Variants in ANTXRL observed in about 807,000 individuals in gnomAD.
ANTXRL encodes the protein ANTXR like, also known as anthrax toxin receptor-like.
ANTXRL carries 63 observed loss-of-function variants against 75.4 expected under a neutral mutation model. The ratio of observed to expected loss-of-function variants is 0.84; its 90% CI spans 0.68 to 1.03. ANTXRL has a LOEUF of 1.03. Among genes scored for constraint, ANTXRL ranks in the 50% least tolerant of loss-of-function variants. The pLI is 0.00. For synonymous variants in ANTXRL, 335 were observed against 291.3 expected, an observed-to-expected ratio of 1.15 and a Z score of -1.53; for missense variants, 797 against 789.4, an observed-to-expected ratio of 1.01 and a Z score of -0.12.
intron 13 of ANTXRL, among the ~76,000 whole-genome samples, chr10:46,309,407 C>T (rs1469297995): frequency 6.6e-6 from 1 of 152,222 alleles, no homozygotes; most frequent in Admixed American, 6.5e-5. Context: ...CCTCCTGCCC[C>T]GGGCTGGCCA....
In ANTXRL at chr10:46,287,386, C is replaced by T. The variant is rs181165921; in HGVS notation, c.124C>T (p.Arg42Cys). 1.2e-5 allele frequency: 18 copies of T among 1,536,026 alleles called. No homozygotes were observed. The East Asian group carries it at 1.2e-4, about 10-fold the overall frequency. The change falls in exon 1 of 17, where the codon CGC becomes TGC. Residue 42 changes from arginine to cysteine, a missense_variant. Transcript: ENST00000620264. ...YHGPDWRIFH[R>C]LALGSRRAHH... ...TGGACCTGACTGGAGAATATTTCAC[C>T]GCCTGGCCCTGGGCTCCAGGAGAGC...
chr10:46,296,350 G>T, intron 5 of ANTXRL, 98 bp downstream of exon 5: 1 of 1,360,054 alleles, frequency 7.4e-7, no homozygotes. Context: ...GGCCACACCT[G>T]CCCTGCCTCT....
At chr10:46,315,165 A>T (rs2999413) in intron 16 of ANTXRL, among the ~76,000 whole-genome samples, 1 of 151,668 alleles carries the variant, frequency 6.6e-6, no homozygotes, top group Non-Finnish European at 1.5e-5. Flanking sequence ...CCACAGGGTC[A>T]GACTGTAAGC....
chr10:46,287,599 G>A (rs1360587598), intron 1 of ANTXRL, 89 bp downstream of exon 1: 5 of 1,443,098 alleles, frequency 3.5e-6, no homozygotes, highest in African/African-American at 2.9e-5. Flanking sequence ...TCAAGGAGAT[G>A]CAAGCTTCCG....
At chr10:46,286,734 T>C (rs1386008922), upstream of ANTXRL, among the ~76,000 whole-genome samples, 2 of 152,088 alleles carry the variant, frequency 1.3e-5, no homozygotes, top group African/African-American at 4.8e-5. Flanking sequence ...TAACCTCCCA[T>C]TGCCAACACT....
upstream of ANTXRL, chr10:46,286,888 C>T (rs7090139): frequency 0.029 from 8,127 of 282,214 alleles, 602 homozygotes; most frequent in African/African-American, 0.16. Flanking sequence ...TGGAGGCTTC[C>T]TCTTGTAGCC....
chr10:46,317,632 G>A (rs1838797088), intron 16 of ANTXRL, among the ~76,000 whole-genome samples: 1 of 152,102 alleles, frequency 6.6e-6, no homozygotes, highest in Non-Finnish European at 1.5e-5. Flanking sequence ...TTTTGGGAAA[G>A]TTTCAGATCA....
chr10:46,311,612 G>C lies in ANTXRL; in HGVS notation c.1276G>C (p.Val426Leu), dbSNP rs782078432. ...AGCTCCTGTAAACACCTGCCCCACT[G>C]TGATTATTTGTTGCTGTGGATGCCA... is the stretch of plus-strand genomic sequence containing the variant. ...PPAPVNTCPT[V>L]IICCCGCQGV... The change falls in exon 15 of 17, where the codon GTG becomes CTG. Residue 426 changes from valine to leucine, a missense_variant. Around this residue, in one of 3 missense-constraint regions of ANTXRL, gnomAD observed 479 missense variants for 422.0 expected, o/e 1.14. Coordinates refer to ENST00000620264, the MANE Select transcript of ANTXRL (RefSeq NM_001278688.3). 2 of 1,385,498 alleles carry C rather than the reference G, an allele frequency of 1.4e-6. No homozygotes were observed. Among genetic ancestry groups the C allele is most frequent in the Non-Finnish European group, 2.0e-6 (2 of 1,009,402 alleles). 85.8% of individuals were successfully genotyped at this position (1,385,498 alleles called of 1,614,324 possible). A position where few individuals can be genotyped will look rare whatever the true frequency, so the allele number is the denominator to read the frequency against.
At chr10:46,306,297 C>T (rs1838079017) in intron 10 of ANTXRL, among the ~76,000 whole-genome samples, 1 of 152,210 alleles carries the variant, frequency 6.6e-6, no homozygotes, top group African/African-American at 2.4e-5. Flanking sequence ...CCATCACCTA[C>T]TTTCAATAAT....
intron 16 of ANTXRL, among the ~76,000 whole-genome samples, chr10:46,317,469 A>G (rs895100017): frequency 2.6e-5 from 4 of 152,170 alleles, no homozygotes; most frequent in Non-Finnish European, 5.9e-5. Flanking sequence ...GGGCCTTAGG[A>G]TGCATTCATG....
intron 4 of ANTXRL, 29 bp from the exon 5 acceptor site, chr10:46,296,190 A>G: frequency 1.3e-6 from 2 of 1,535,820 alleles, no homozygotes; most frequent in Non-Finnish European, 1.7e-6. Flanking sequence ...CTCACTGTCC[A>G]GGCTCAATAT....
intron 10 of ANTXRL, among the ~76,000 whole-genome samples, chr10:46,306,592 AGG>A (rs1838100812): frequency 6.6e-6 from 1 of 152,106 alleles, no homozygotes; most frequent in Non-Finnish European, 1.5e-5. Context: ...CCTTGAGAGC[AGG>A]GACTCTGCCT....
intron 16 of ANTXRL, 50 bp downstream of exon 16, chr10:46,313,366 T>C (rs1838543357): frequency 2.0e-6 from 3 of 1,499,608 alleles, no homozygotes; most frequent in Admixed American, 2.0e-5. Flanking sequence ...CCACTGCTTT[T>C]CCCCTGACCA....
At chr10:46,293,250 G>GT (rs146457899) in intron 2 of ANTXRL, 24,906 of 143,768 alleles carry the variant, frequency 0.17, 1,834 homozygotes, top group Non-Finnish European at 0.19. Flanking sequence ...GCATGTGTGT[G>GT]GGGGGGTGTG....
intron 7 of ANTXRL, 75 bp from the exon 8 acceptor site, chr10:46,297,756 A>G: frequency 1.5e-6 from 2 of 1,304,664 alleles, no homozygotes; most frequent in Non-Finnish European, 2.1e-6. Context: ...AGGGCAAGAC[A>G]CTGTCTCCTG....
intron 3 of ANTXRL, 126 bp downstream of exon 3, chr10:46,294,026 G>A (rs1481637167): frequency 7.3e-6 from 6 of 825,446 alleles, no homozygotes; most frequent in African/African-American, 1.7e-5. Context: ...GCCGGTCAGG[G>A]CAACTCACAG....
chr10:46,292,237 G>T, intron 2 of ANTXRL, 108 bp downstream of exon 2: 1 of 1,017,664 alleles, frequency 9.8e-7, no homozygotes. Context: ...GAGTCCTTCA[G>T]TGGGGGACAC....
intron 16 of ANTXRL, among the ~76,000 whole-genome samples, chr10:46,329,261 G>A (rs1458771769): frequency 1.3e-5 from 2 of 152,116 alleles, no homozygotes; most frequent in Non-Finnish European, 2.9e-5. Context: ...ATGCTCACTA[G>A]AGCCTTCTGT....
intron 10 of ANTXRL, among the ~76,000 whole-genome samples, chr10:46,306,340 C>A (rs1420677445): frequency 2.0e-5 from 3 of 152,186 alleles, no homozygotes; most frequent in Admixed American, 6.5e-5. Context: ...TTCCTTGGAA[C>A]CCTTACCACA....
Sources: allele counts gnomAD v4.1 joint callset (sites outside exome capture counted in the v4.1 genomes callset), GRCh38; gene constraint gnomAD v4.1.1; regional missense constraint gnomAD v4.1.1; transcripts MANE v1.5; gene names NCBI Gene and HGNC (gene_info 2026-07-23, HGNC 2026-07-21).